MYH3: variants seen among roughly 807,000 people sequenced by gnomAD.
The protein encoded by MYH3 is myosin-3.
MYH3 carries 130 observed loss-of-function variants against 238.0 expected under a neutral mutation model. The observed-to-expected ratio is 0.55, with a 90% CI of 0.47 to 0.63. The LOEUF (loss-of-function observed/expected upper bound fraction) is 0.63. MYH3 is among the 30% of genes least tolerant of loss of function. MYH3 has a pLI of 0.00. For synonymous variants in MYH3, 880 were observed against 924.1 expected (o/e 0.95, Z 0.86); for missense variants, 1,853 against 2,374.9 (o/e 0.78, Z 4.57).
chr17:10,641,700 G>T (rs1320551401), intron 17 of MYH3, among the ~76,000 whole-genome samples: 1 of 151,960 alleles, frequency 6.6e-6, no homozygotes, highest in Non-Finnish European at 1.5e-5. Flanking sequence ...ATGTTTAATG[G>T]AGACGGGGTT....
At chr17:10,635,986 A>G (rs1299848382) in intron 28 of MYH3, 133 bp from the exon 29 acceptor site, 2 of 806,812 alleles carry the variant, frequency 2.5e-6, no homozygotes, top group Non-Finnish European at 4.2e-6. Flanking sequence ...CTTCAGGGAG[A>G]AGGTATATGG....
chr17:10,652,159 G>T, intron 4 of MYH3: 1 of 535,496 alleles, frequency 1.9e-6, no homozygotes, highest in Non-Finnish European at 3.4e-6. Flanking sequence ...CCCACAGTTG[G>T]TAAGTCACAG....
At chr17:10,637,016 T>A (rs1280681952) in intron 28 of MYH3, among the ~76,000 whole-genome samples, 1 of 151,744 alleles carries the variant, frequency 6.6e-6, no homozygotes, top group Non-Finnish European at 1.5e-5. Flanking sequence ...CAGGGCTGGG[T>A]GAAGCCACAT....
chr17:10,669,774 G>A, the MYH3 span, among the ~76,000 whole-genome samples: 5 of 152,024 alleles, frequency 3.3e-5, no homozygotes, highest in Non-Finnish European at 7.4e-5. Flanking sequence ...AGCTGGGCGT[G>A]GTGGTATGTG....
At chr17:10,657,917 C>T (rs1402759122), upstream of MYH3, among the ~76,000 whole-genome samples, 3 of 152,072 alleles carry the variant, frequency 2.0e-5, no homozygotes, top group African/African-American at 7.2e-5. Flanking sequence ...TTATTTTCTC[C>T]TATGCAACGT....
At chr17:10,669,170 C>A in the MYH3 span, among the ~76,000 whole-genome samples, 1 of 152,148 alleles carries the variant, frequency 6.6e-6, no homozygotes, top group Non-Finnish European at 1.5e-5. Context: ...CTAATAGCAT[C>A]TTTTAGGATT....
chr17:10,672,840 A>C, the MYH3 span: 2 of 152,108 alleles, frequency 1.3e-5, no homozygotes, highest in African/African-American at 4.8e-5. Flanking sequence ...CTGTGTGGTT[A>C]TTGTGAATTT....
chr17:10,630,552 C>T, intron 36 of MYH3, 94 bp from the exon 37 acceptor site: 1 of 1,580,310 alleles, frequency 6.3e-7, no homozygotes, highest in South Asian at 1.1e-5. Flanking sequence ...AGAGACCATG[C>T]TAAAGAAAAA....
chr17:10,650,985 G>A (rs1450669265), intron 5 of MYH3, among the ~76,000 whole-genome samples: 1 of 152,036 alleles, frequency 6.6e-6, no homozygotes, highest in Non-Finnish European at 1.5e-5. Context: ...TCAGGAGTTT[G>A]AGACCAGCCT....
In MYH3 at chr17:10,637,932, T is replaced by C. The variant is rs1398425401; in HGVS notation, c.3733A>G (p.Asn1245Asp). The change falls in exon 28 of 41, where the codon AAT becomes GAT. Residue 1245 changes from asparagine to aspartate, a missense_variant. Coordinates refer to ENST00000583535, the MANE Select transcript of MYH3 (RefSeq NM_002470.4). Reference sequence around the variant, plus strand: ...AGGGTTCGGCAGATTTTTTCCAGATTTGCCTGAAGGATTCAGAAAGGGGAG... The same window carrying C: ...AGGGTTCGGCAGATTTTTTCCAGATCTGCCTGAAGGATTCAGAAAGGGGAG... ...SMESVSKSKA[N>D]LEKICRTLED... The C allele has an allele frequency of 1.2e-6, 2 of 1,614,086 alleles. No homozygotes were observed. Among genetic ancestry groups the C allele is most frequent in the South Asian group, 1.1e-5 (1 of 91,072 alleles).
chr17:10,649,482 G>T, intron 7 of MYH3, 95 bp downstream of exon 7: 2 of 961,518 alleles, frequency 2.1e-6, no homozygotes, highest in Non-Finnish European at 3.4e-6. Context: ...ATTCTCTGAA[G>T]AGGGGGGAAT....
Position 10,638,214 on chromosome 17 carries a change from G to C in MYH3, c.3558C>G (p.His1186Gln), listed in dbSNP as rs199527777. Residue 1186 changes from histidine to glutamine, a missense_variant, in exon 27 of 41, where the codon CAC (histidine) becomes CAG (glutamine). By Grantham distance (24) the His-to-Gln change is conservative (BLOSUM62 0). Coordinates refer to ENST00000583535, the MANE Select transcript of MYH3 (RefSeq NM_002470.4). ...TCCTCAGCGCGGCCACCATGGCTTCGTGCTGCAGTGTGGCCTCCTCCAGGT... is the reference window on the plus strand; with the variant it reads ...TCCTCAGCGCGGCCACCATGGCTTCCTGCTGCAGTGTGGCCTCCTCCAGGT... Reference protein sequence around the residue: ...RRDLEEATLQHEAMVAALRKK... With the variant: ...RRDLEEATLQQEAMVAALRKK... The C allele has an allele frequency of 5.6e-6, 9 of 1,613,664 alleles. No homozygotes were observed. The highest frequency in any genetic ancestry group is 7.6e-6 in the Non-Finnish European group (9 of 1,179,970).
chr17:10,634,664 C>A (rs1052746399), intron 31 of MYH3, among the ~76,000 whole-genome samples, 176 bp downstream of exon 31: 1 of 152,186 alleles, frequency 6.6e-6, no homozygotes, highest in Non-Finnish European at 1.5e-5. Context: ...ACCCCCAGCC[C>A]ATTCCCATTC....
intron 1 of MYH3, among the ~76,000 whole-genome samples, chr17:10,657,086 C>A (rs551202052): frequency 8.5e-5 from 13 of 152,216 alleles, no homozygotes; most frequent in African/African-American, 3.1e-4. Flanking sequence ...GGGGGAGGTG[C>A]TGGAGCCAGA....
In MYH3 at chr17:10,634,113, G is replaced by A. The variant is rs765630141; in HGVS notation, c.4426C>T (p.Arg1476Cys). The change falls in exon 32 of 41, where the codon CGC (arginine) becomes TGC (cysteine). Residue 1476 changes from arginine (R) to cysteine (C), a missense_variant. Transcript: ENST00000583535. ...AELEASLKES[R>C]SLSTELFKLK... Reference sequence around the variant, plus strand: ...TTGAAGAGCTCAGTGCTCAAGGAGCGGGACTCCTTCAGGGATGCCTCCAGC... The same window carrying A: ...TTGAAGAGCTCAGTGCTCAAGGAGCAGGACTCCTTCAGGGATGCCTCCAGC... The A allele has an allele frequency of 8.7e-6, 14 of 1,614,058 alleles. No individual in the cohort carries two copies. The highest frequency in any genetic ancestry group is 1.3e-5 in the African/African-American group (1 of 75,044).
intron 28 of MYH3, among the ~76,000 whole-genome samples, chr17:10,636,090 T>C (rs1052822559): frequency 2.0e-5 from 3 of 151,212 alleles, no homozygotes; most frequent in Admixed American, 6.6e-5. Flanking sequence ...TTTGGGAGGC[T>C]GAGGCAGGCA....
rs1425408288 is a variant in MYH3, at chr17:10,629,831, A to G, written c.5658+11T>C. 2 of 1,613,864 alleles carry G rather than the reference A, an allele frequency of 1.2e-6. No individual in the cohort carries two copies. The highest frequency in any genetic ancestry group is 1.7e-5 in the Admixed American group (1 of 59,990). Reference sequence around the variant, plus strand: ...GGTCTGCCTGCCGCAGTCAGCACCTATCTCACTTACAGCCTCCTCCGCCTG... The same window carrying G: ...GGTCTGCCTGCCGCAGTCAGCACCTGTCTCACTTACAGCCTCCTCCGCCTG... On this transcript the variant is annotated intron_variant, in intron 39 of 40. Coordinates refer to ENST00000583535, the MANE Select transcript of MYH3 (RefSeq NM_002470.4).
At chr17:10,674,397 G>A in the MYH3 span, 1 of 261,122 alleles carries the variant, frequency 3.8e-6, no homozygotes. Context: ...CTGCTCTCCA[G>A]CCTAGGCAAC....
chr17:10,657,076 G>T (rs1025421619), intron 1 of MYH3, among the ~76,000 whole-genome samples: 16 of 152,152 alleles, frequency 1.1e-4, no homozygotes, highest in African/African-American at 3.9e-4. Context: ...GCTCCTGCTT[G>T]GGGGAGGTGC....
Sources: allele counts gnomAD v4.1 joint callset (sites outside exome capture counted in the v4.1 genomes callset), GRCh38; gene constraint gnomAD v4.1.1; transcripts MANE v1.5; gene names NCBI Gene and HGNC (gene_info 2026-07-23, HGNC 2026-07-21).